Variants in ANKRD37 observed in about 807,000 individuals in gnomAD.
The protein encoded by ANKRD37 is ankyrin repeat domain-containing protein 37.
A neutral mutation model predicts 19.7 loss-of-function variants in ANKRD37; 17 were observed. The ratio of observed to expected loss-of-function variants is 0.86; its 90% confidence interval spans 0.59 to 1.29. The LOEUF (loss-of-function observed/expected upper bound fraction) is 1.29. ANKRD37 is among the 50% of genes most tolerant of loss of function. The pLI is 0.00. For synonymous variants in ANKRD37, 79 were observed against 74.5 expected (o/e 1.06, Z -0.31); for missense variants, 207 against 190.4 (o/e 1.09, Z -0.51).
intron 3 of ANKRD37, 146 bp downstream of exon 3, chr4:185,399,174 G>A (rs2095509936): frequency 2.6e-6 from 2 of 756,734 alleles, no homozygotes; most frequent in African/African-American, 1.8e-5. Context: ...AACTTAGGTT[G>A]TTGGTGCTAT....
Position 185,399,686 on chromosome 4 carries a change from A to G in ANKRD37, c.389A>G (p.His130Arg), listed in dbSNP as rs2095510734. Residue 130 changes from histidine to arginine, a missense_variant, in exon 4 of 5, where the codon CAC (histidine) becomes CGC (arginine). Transcript: ENST00000335174. ...ATGCAGACAATAAAAGCAAGTGAACACCCTGACAGGAATGATTGTGTTGCC... is the reference window on the plus strand; with the variant it reads ...ATGCAGACAATAAAAGCAAGTGAACGCCCTGACAGGAATGATTGTGTTGCC... ...KCMQTIKASEHPDRNDCVAVL... is the reference protein window; with the variant it reads ...KCMQTIKASERPDRNDCVAVL... 6.2e-7 allele frequency: 1 copy of G among 1,614,158 alleles called. No homozygotes were observed. The highest frequency in any genetic ancestry group is 8.5e-7 in the Non-Finnish European group (1 of 1,180,038).
chr4:185,397,257 C>T lies in ANKRD37; in HGVS notation c.135C>T (p.Cys45=). ...TAGCCGCAGGAAGCGGCCTTGCTTG[C>T]TTTCTTCTCTGGCAGCTGCAAACGG... is the stretch of plus-strand genomic sequence containing the variant. ...VHLAAGSGLA[C]FLLWQLQTGA... The change falls in exon 2 of 5, where the codon TGC becomes TGT. Residue 45 remains cysteine (C), a synonymous_variant. Transcript: ENST00000335174. 1 of 1,614,078 alleles carries T rather than the reference C, an allele frequency of 6.2e-7. No individual in the cohort carries two copies. Among genetic ancestry groups the T allele is most frequent in the Middle Eastern group, 1.7e-4 (1 of 6,058 alleles).
chr4:185,397,924 T>C (rs1046690815), intron 2 of ANKRD37, among the ~76,000 whole-genome samples: 7 of 152,242 alleles, frequency 4.6e-5, no homozygotes, highest in Admixed American at 4.6e-4. Context: ...ACTCTTTTTA[T>C]TTGCTTACAT....
chr4:185,399,525 T>TTAAG, intron 3 of ANKRD37, 45 bp from the exon 4 acceptor site: 1 of 1,598,890 alleles, frequency 6.3e-7, no homozygotes, highest in Non-Finnish European at 8.6e-7. Flanking sequence ...AAAAAAAGAC[T>TTAAG]TAAGTTCAAT....
chr4:185,398,568 A>G (rs1561102870), intron 2 of ANKRD37, among the ~76,000 whole-genome samples: 2 of 152,194 alleles, frequency 1.3e-5, no homozygotes, highest in South Asian at 4.1e-4. Flanking sequence ...ATAATAGTCC[A>G]CTAGTTACTT....
At position 185,397,208 on chromosome 4, in the gene ANKRD37, C is replaced by T. The variant is rs1468353411; in HGVS notation, c.86C>T (p.Pro29Leu). ...TGASVNAPPD[P>L]CKQSPVHLAA... ...GCCTCGGTCAACGCACCCCCGGATC[C>T]CTGCAAGCAGTCGCCTGTCCACTTA... The change falls in exon 2 of 5, where the codon CCC (proline) becomes CTC (leucine). Residue 29 changes from proline to leucine, a missense_variant. By Grantham distance (98) the Pro-to-Leu change is moderately conservative. Coordinates refer to ENST00000335174, the MANE Select transcript of ANKRD37 (RefSeq NM_181726.4). The T allele has an allele frequency of 7.4e-6, 12 of 1,614,086 alleles. No individual in the cohort carries two copies. The highest frequency in any genetic ancestry group is 1.0e-5 in the Non-Finnish European group (12 of 1,180,042).
intron 1 of ANKRD37, 36 bp downstream of exon 1, chr4:185,396,986 C>G (rs1247390502): frequency 1.2e-6 from 2 of 1,612,814 alleles, no homozygotes; most frequent in South Asian, 1.1e-5. Flanking sequence ...AGCTTTTGTC[C>G]TGCAGGCTCA....
intron 3 of ANKRD37, 79 bp from the exon 4 acceptor site, chr4:185,399,491 C>T: frequency 6.7e-7 from 1 of 1,482,402 alleles, no homozygotes; most frequent in Non-Finnish European, 9.2e-7. Context: ...TTGTATGAGC[C>T]CAAAATTCCC....
chr4:185,397,127 C>G, intron 1 of ANKRD37, 23 bp from the exon 2 acceptor site: 1 of 1,612,568 alleles, frequency 6.2e-7, no homozygotes, highest in Admixed American at 1.7e-5. Flanking sequence ...GGGAAGGGTG[C>G]TGGATCTGTT....
At position 185,399,645 on chromosome 4, in the gene ANKRD37, T is replaced by TA; in HGVS notation, c.349dup (p.Thr117AsnfsTer4). On this transcript the variant is annotated frameshift_variant, in exon 4 of 5. Transcript: ENST00000335174. LOFTEE classifies it high-confidence loss of function. ...GATTTCCAGACTGTGCCAAGTTTCT[T>TA]ACAACAATTAAATGTATGCAGACAA... 1 of 1,614,196 alleles carries TA rather than the reference T, an allele frequency of 6.2e-7. No individual in the cohort carries two copies. The highest frequency in any genetic ancestry group is 1.3e-5 in the African/African-American group (1 of 75,054).
At position 185,399,556 on chromosome 4, in the gene ANKRD37, TATCCTGTTTTCAGTTTATGTAATAAG is replaced by T. The variant is rs1241322596; in HGVS notation, c.273-12_286del. ...TCAATGTTTCATTTCACTCCGTTTT[TATCCTGTTTTCAGTTTATGTAATAAG>T]AACGGGCAAACAGCTGAAGATCTCG... On this transcript the variant is annotated splice_acceptor_variant and splice_polypyrimidine_tract_variant and coding_sequence_variant and intron_variant, in exon 4 of 5. Coordinates refer to ENST00000335174, the MANE Select transcript of ANKRD37 (RefSeq NM_181726.4). LOFTEE classifies it high-confidence loss of function. 6.2e-7 allele frequency: 1 copy of T among 1,613,692 alleles called. No homozygotes were observed. The highest frequency in any genetic ancestry group is 1.3e-5 in the African/African-American group (1 of 74,920).
intron 2 of ANKRD37, among the ~76,000 whole-genome samples, chr4:185,398,677 T>C (rs1004042577): frequency 6.6e-6 from 1 of 151,896 alleles, no homozygotes; most frequent in Non-Finnish European, 1.5e-5. Context: ...CAAAAACACA[T>C]GACTTCTTAG....
At position 185,396,930 on chromosome 4, in the gene ANKRD37, T is replaced by C; in HGVS notation, c.7T>C (p.Leu3=). The C allele has an allele frequency of 1.2e-6, 2 of 1,613,656 alleles. No individual in the cohort carries two copies. The highest frequency in any genetic ancestry group is 1.7e-6 in the Non-Finnish European group (2 of 1,180,020). ML[L]LDCNPEVDGL... ...CATCTGCCTTAGGCGGGAAATGCTG[T>C]TGCTGGATTGCAACCCCGAGGTGAG... Residue 3 remains leucine (L), a synonymous_variant, in exon 1 of 5, where the codon TTG becomes CTG. Coordinates refer to ENST00000335174, the MANE Select transcript of ANKRD37 (RefSeq NM_181726.4).
chr4:185,397,170 G>C lies in ANKRD37; in HGVS notation c.48G>C (p.Leu16Phe). The C allele has an allele frequency of 6.2e-7, 1 of 1,613,684 alleles. No homozygotes were observed. The highest frequency in any genetic ancestry group is 8.5e-7 in the Non-Finnish European group (1 of 1,180,014). Reference protein sequence around the residue: ...CNPEVDGLKHLLETGASVNAP... With the variant: ...CNPEVDGLKHFLETGASVNAP... ...TGCAGGTGGATGGTCTGAAGCATTT[G>C]CTGGAGACAGGGGCCTCGGTCAACG... The change falls in exon 2 of 5, where the codon TTG (leucine) becomes TTC (phenylalanine). Residue 16 changes from leucine to phenylalanine, a missense_variant. By Grantham distance (22) the Leu-to-Phe change is conservative (BLOSUM62 0). Coordinates refer to ENST00000335174, the MANE Select transcript of ANKRD37 (RefSeq NM_181726.4).
intron 1 of ANKRD37, 70 bp downstream of exon 1, chr4:185,397,020 T>A: frequency 6.2e-7 from 1 of 1,610,822 alleles, no homozygotes; most frequent in Non-Finnish European, 8.5e-7. Flanking sequence ...GTCTTCTCGT[T>A]AATGCGGGGA....
chr4:185,396,848 C>A lies in ANKRD37; in HGVS notation c.-76C>A. ...CCGTGCTAGGGCCAGCCTGCGCATT[C>A]TTACCTGTCGGGGTGCGGCGAGTGT... On this transcript the variant is annotated 5_prime_UTR_variant, in exon 1 of 5. Coordinates refer to ENST00000335174, the MANE Select transcript of ANKRD37 (RefSeq NM_181726.4). 3 of 1,514,222 alleles carry A rather than the reference C, an allele frequency of 2.0e-6. No homozygotes were observed. The highest frequency in any genetic ancestry group is 1.1e-5 in the South Asian group (1 of 89,188). The allele number at this position is 1,514,222 out of a possible 1,614,324, so 93.8% of individuals were successfully genotyped here.
chr4:185,399,905 T>A, intron 4 of ANKRD37, 112 bp from the exon 5 acceptor site: 1 of 1,539,990 alleles, frequency 6.5e-7, no homozygotes, highest in Admixed American at 2.1e-5. Context: ...ATTTTAGTAC[T>A]GGTTATACTT....
At chr4:185,399,879 T>C (rs966927280) in intron 4 of ANKRD37, 106 bp downstream of exon 4, 1 of 1,547,486 alleles carries the variant, frequency 6.5e-7, no homozygotes, top group African/African-American at 1.4e-5. Flanking sequence ...AGTAGTATTG[T>C]TTCATTCTCA....
In ANKRD37 at chr4:185,397,621, C is replaced by A. The variant is rs548109394; in HGVS notation, c.180+319C>A. 8 of 281,626 alleles carry A rather than the reference C, an allele frequency of 2.8e-5. No homozygotes were observed. The Admixed American group carries it at 4.0e-4, about 14-fold the overall frequency. 17.4% of individuals were successfully genotyped at this position (281,626 alleles called of 1,614,324 possible). A position where few individuals can be genotyped will look rare whatever the true frequency, so the allele number is the denominator to read the frequency against. On this transcript the variant is annotated intron_variant, in intron 2 of 4. Coordinates refer to ENST00000335174, the MANE Select transcript of ANKRD37 (RefSeq NM_181726.4). ...TTGCTGATTAGATATTTTACACTTT[C>A]TTTTATTCTGTCTTCACAATCTGGT... is the stretch of plus-strand genomic sequence containing the variant.
Sources: gnomAD v4.1 joint callset for allele counts (sites outside exome capture counted in the v4.1 genomes callset) on GRCh38, gnomAD v4.1.1 for gene constraint, MANE v1.5 for transcripts, NCBI Gene and HGNC (gene_info 2026-07-23, HGNC 2026-07-21) for gene names.